TMEM132D: variants seen among roughly 807,000 people sequenced by gnomAD.
TMEM132D encodes mature OL transmembrane protein.
A neutral mutation model predicts 62.3 loss-of-function variants in TMEM132D; 21 were observed. The ratio of observed to expected loss-of-function variants is 0.34; its 90% CI spans 0.24 to 0.49. The LOEUF is 0.49. TMEM132D is among the 20% of genes least tolerant of loss of function. TMEM132D has a pLI of 0.99. For synonymous variants in TMEM132D, 621 were observed against 575.6 expected (o/e 1.08, Z -1.13); for missense variants, 1,346 against 1,402.8 (o/e 0.96, Z 0.65).
chr12:129,438,342 A>C (rs1284336300), intron 3 of TMEM132D, among the ~76,000 whole-genome samples: 1 of 152,234 alleles, frequency 6.6e-6, no homozygotes. Flanking sequence ...CAAGTTATGC[A>C]TAACAGTCCC....
chr12:129,607,246 G>A (rs754010788), intron 2 of TMEM132D, among the ~76,000 whole-genome samples: 19 of 152,126 alleles, frequency 1.2e-4, no homozygotes, highest in Admixed American at 2.6e-4. Flanking sequence ...AGGTGCTTAG[G>A]GTAGGATCTC....
At chr12:129,900,792 A>T (rs1875326482) in intron 1 of TMEM132D, among the ~76,000 whole-genome samples, 1 of 152,166 alleles carries the variant, frequency 6.6e-6, no homozygotes, top group Admixed American at 6.5e-5. Context: ...GACCTTAAAC[A>T]TTTAAGGCCA....
rs1241229728 is a variant in TMEM132D at position 129,816,457 on chromosome 12, A to C, written c.79+86804T>G. Among the ~76,000 whole-genome samples, 3 of 152,214 alleles carry C rather than the reference A, an allele frequency of 2.0e-5. No homozygotes were observed. In the East Asian group the frequency reaches 5.8e-4, roughly 29 times the overall value. On this transcript the variant is annotated intron_variant, in intron 1 of 8. Coordinates refer to ENST00000422113, the MANE Select transcript of TMEM132D (RefSeq NM_133448.3). ...CTTCTGAAAAACTCTGGGCCTATTT[A>C]TTGCAAAAGGCCTGCACAACTGCCT... is the stretch of plus-strand genomic sequence containing the variant.
chr12:129,259,886 C>T (rs1409977384), intron 4 of TMEM132D, among the ~76,000 whole-genome samples: 4 of 152,092 alleles, frequency 2.6e-5, no homozygotes, highest in East Asian at 1.9e-4. Flanking sequence ...CTGAGGTTGG[C>T]GCAATTTACT....
At chr12:129,270,022 GGGAAAAGCCGCA>G (rs1205995281) in intron 4 of TMEM132D, among the ~76,000 whole-genome samples, 1 of 152,140 alleles carries the variant, frequency 6.6e-6, no homozygotes, top group Admixed American at 6.5e-5. Context: ...CGAGCCACTC[GGGAAAAGCCGCA>G]GGCCGAGGAC....
Position 129,074,963 on chromosome 12 carries a change from A to C in TMEM132D, c.2212T>G (p.Leu738Val). The C allele has an allele frequency of 6.2e-7, 1 of 1,613,998 alleles. No homozygotes were observed. Among genetic ancestry groups the C allele is most frequent in the African/African-American group, 1.3e-5 (1 of 74,988 alleles). The change falls in exon 9 of 9, where the codon TTG becomes GTG. Residue 738 changes from leucine to valine, a missense_variant. By Grantham distance (32) the Leu-to-Val change is conservative. Transcript: ENST00000422113. ...TGGATGGAGACTACCTTCTCATCCA[A>C]AGATGTGGCCATCAAGGAGAAGTCT... is the stretch of plus-strand genomic sequence containing the variant. ...GKDFSLMATS[L>V]DEKVVSIHQD...
chr12:129,430,808 A>C (rs1184357507), intron 3 of TMEM132D, among the ~76,000 whole-genome samples: 1 of 152,182 alleles, frequency 6.6e-6, no homozygotes, highest in African/African-American at 2.4e-5. Flanking sequence ...GATGGGATGG[A>C]GGCTTACAGA....
chr12:129,211,438 G>A (rs148264215), intron 4 of TMEM132D, among the ~76,000 whole-genome samples: 3 of 152,272 alleles, frequency 2.0e-5, no homozygotes, highest in African/African-American at 7.2e-5. Context: ...TGAGAGATGA[G>A]CTTGCAAAGA....
chr12:129,519,375 C>T (rs1176814067), intron 3 of TMEM132D, among the ~76,000 whole-genome samples: 1 of 152,108 alleles, frequency 6.6e-6, no homozygotes, highest in African/African-American at 2.4e-5. Flanking sequence ...CTTGAAATCA[C>T]AGTAGTTATT....
chr12:129,382,402 T>C (rs1462261626), intron 3 of TMEM132D, among the ~76,000 whole-genome samples: 1 of 152,232 alleles, frequency 6.6e-6, no homozygotes, highest in African/African-American at 2.4e-5. Context: ...GCTTAGAGAC[T>C]TGCTCCAGCA....
At chr12:129,150,872 G>T (rs137940440) in intron 5 of TMEM132D, among the ~76,000 whole-genome samples, 1 of 152,194 alleles carries the variant, frequency 6.6e-6, no homozygotes, top group Non-Finnish European at 1.5e-5. Context: ...GCCTGCCAGG[G>T]GTCCCTGGGC....
At chr12:129,615,498 C>G (rs1878889038) in intron 2 of TMEM132D, among the ~76,000 whole-genome samples, 1 of 150,594 alleles carries the variant, frequency 6.6e-6, no homozygotes, top group African/African-American at 2.4e-5. Context: ...CACCTGTAAT[C>G]CCAGCACTTT....
At chr12:129,552,445 A>G (rs1225392424) in intron 2 of TMEM132D, among the ~76,000 whole-genome samples, 1 of 151,996 alleles carries the variant, frequency 6.6e-6, no homozygotes, top group African/African-American at 2.4e-5. Flanking sequence ...CCATCTACCT[A>G]CCTACCTAGC....
At chr12:129,495,410 A>G (rs1481769174) in intron 3 of TMEM132D, among the ~76,000 whole-genome samples, 2 of 152,140 alleles carry the variant, frequency 1.3e-5, no homozygotes, top group African/African-American at 4.8e-5. Context: ...TCGGTCCTCA[A>G]GCACCTCTGT....
chr12:129,082,576 G>C (rs1166128084), intron 6 of TMEM132D, among the ~76,000 whole-genome samples: 2 of 152,166 alleles, frequency 1.3e-5, no homozygotes, highest in Non-Finnish European at 2.9e-5. Flanking sequence ...AACCGCACGA[G>C]TGAGCCTGCA....
intron 1 of TMEM132D, among the ~76,000 whole-genome samples, chr12:129,714,644 T>G (rs1868499438): frequency 6.6e-6 from 1 of 152,230 alleles, no homozygotes; most frequent in Admixed American, 6.5e-5. Context: ...TTGGTAATAT[T>G]TCACAGTGTA....
rs542855447 is a variant in TMEM132D at position 129,084,510 on chromosome 12, C to T, written c.1636G>A (p.Val546Ile). Residue 546 changes from valine (V) to isoleucine (I), a missense_variant, in exon 6 of 9, where the codon GTC (valine) becomes ATC (isoleucine). Coordinates refer to ENST00000422113, the MANE Select transcript of TMEM132D (RefSeq NM_133448.3). ...NQIKGWRVPI[V>I]SSRRPAGDSE... The stretch of plus-strand genomic sequence containing the variant: ...GGACATACCCACCTCCTGCTGGAGA[C>T]GATGGGCACTCTCCAACCCTTGATC... 50 of 1,600,052 alleles carry T rather than the reference C, an allele frequency of 3.1e-5. No individual in the cohort carries two copies. The South Asian group carries it at 4.6e-4, about 15-fold the overall frequency.
chr12:129,097,458 T>C (rs1462315333), intron 5 of TMEM132D, among the ~76,000 whole-genome samples: 1 of 152,226 alleles, frequency 6.6e-6, no homozygotes, highest in Non-Finnish European at 1.5e-5. Flanking sequence ...AACATTTACA[T>C]CGCCTATATC....
intron 1 of TMEM132D, among the ~76,000 whole-genome samples, chr12:129,820,024 A>G (rs934853409): frequency 1.3e-5 from 2 of 152,088 alleles, no homozygotes; most frequent in Non-Finnish European, 2.9e-5. Context: ...TTCCTCCATG[A>G]AAAGCTCAGC....
Sources: allele counts gnomAD v4.1 joint callset (sites outside exome capture counted in the v4.1 genomes callset), GRCh38; gene constraint gnomAD v4.1.1; transcripts MANE v1.5; gene names NCBI Gene and HGNC (gene_info 2026-07-23, HGNC 2026-07-21).